The following PSMD1 variants were observed in gnomAD, a reference collection of about 807,000 sequenced individuals.
The protein encoded by PSMD1 is 26S proteasome non-ATPase regulatory subunit 1.
PSMD1 carries 18 observed loss-of-function variants against 119.0 expected under a neutral mutation model. That is an observed-to-expected ratio of 0.15 (90% CI 0.10 to 0.22). PSMD1 has a LOEUF of 0.22. Among genes scored for constraint, PSMD1 ranks in the 10% least tolerant of loss-of-function variants. PSMD1 has a pLI of 1.00. For missense variants in PSMD1, 702 were observed against 1,158.5 expected, an observed-to-expected ratio of 0.61 and a Z score of 5.72; for synonymous variants, 374 against 396.6, an observed-to-expected ratio of 0.94 and a Z score of 0.68.
intron 19 of PSMD1, among the ~76,000 whole-genome samples, chr2:231,155,850 TA>T (rs1184323909): frequency 2.6e-5 from 4 of 152,136 alleles, no homozygotes; most frequent in East Asian, 1.9e-4. Flanking sequence ...TGTTTATAGA[TA>T]AAAAAATTCT....
Position 231,165,272 on chromosome 2 carries a change from G to T in PSMD1, c.2554G>T (p.Glu852Ter). ...AAAAGAAAAGGAAAAAAAGGAGGAG[G>T]AGAAAATGGAAGTGGTAGGTATAAA... The part of the protein sequence containing the change: ...KEKEKEKKEE[E>*]KMEVDEAEKK... Residue 852 changes from glutamate to a stop codon, truncating the protein, a stop_gained, in exon 22 of 25, where the codon GAG becomes TAG. Transcript: ENST00000308696. LOFTEE classifies it high-confidence loss of function. 6.3e-7 allele frequency: 1 copy of T among 1,599,554 alleles called. No individual in the cohort carries two copies. The highest frequency in any genetic ancestry group is 1.1e-5 in the South Asian group (1 of 89,990).
intron 16 of PSMD1, among the ~76,000 whole-genome samples, chr2:231,093,356 C>T (rs1694646019): frequency 6.6e-6 from 1 of 152,196 alleles, no homozygotes; most frequent in Non-Finnish European, 1.5e-5. Context: ...AGGATTCGCT[C>T]AGCCTCCTGA....
At chr2:231,111,096 A>G (rs1263945382) in intron 16 of PSMD1, among the ~76,000 whole-genome samples, 1 of 152,166 alleles carries the variant, frequency 6.6e-6, no homozygotes, top group African/African-American at 2.4e-5. Flanking sequence ...AGTACCTGCT[A>G]TAGTCTTCTC....
At chr2:231,162,320 A>G (rs1384098881) in intron 20 of PSMD1, among the ~76,000 whole-genome samples, 1 of 152,236 alleles carries the variant, frequency 6.6e-6, no homozygotes, top group East Asian at 1.9e-4. Context: ...CAGAGTGGAA[A>G]AGTTTTAGGC....
At chr2:231,145,615 C>T (rs1302272322) in intron 17 of PSMD1, among the ~76,000 whole-genome samples, 3 of 151,776 alleles carry the variant, frequency 2.0e-5, no homozygotes, top group Non-Finnish European at 2.9e-5. Context: ...CAAACCTGGG[C>T]GGACACAGTG....
At chr2:231,127,024 TACACGCACAC>T (rs1326430905) in intron 16 of PSMD1, among the ~76,000 whole-genome samples, 2 of 151,968 alleles carry the variant, frequency 1.3e-5, no homozygotes, top group Non-Finnish European at 2.9e-5. Flanking sequence ...TTTACACACA[TACACGCACAC>T]ACACGCACAG....
chr2:231,062,613 C>T lies in PSMD1; in HGVS notation c.242C>T (p.Ala81Val). 5 of 1,613,640 alleles carry T rather than the reference C, an allele frequency of 3.1e-6. No homozygotes were observed. The highest frequency in any genetic ancestry group is 4.2e-6 in the Non-Finnish European group (5 of 1,179,832). ...LGAFEESLNY[A>V]LGAGDLFNVN... ...GCTTTTGAGGAGTCTCTGAATTATG[C>T]TCTTGGAGCAGGGGACCTCTTCAAT... Residue 81 changes from alanine to valine, a missense_variant, in exon 4 of 25, where the codon GCT (alanine) becomes GTT (valine). Physicochemically the swap from Ala to Val is moderately conservative, Grantham distance 64. Coordinates refer to ENST00000308696, the MANE Select transcript of PSMD1 (RefSeq NM_002807.4).
intron 16 of PSMD1, among the ~76,000 whole-genome samples, chr2:231,103,646 CCAAAATTTGGTTT>C (rs1406257420): frequency 6.6e-6 from 1 of 152,116 alleles, no homozygotes; most frequent in Admixed American, 6.6e-5. Context: ...TGTTTTTCTT[CCAAAATTTGGTTT>C]CATAATTACA....
At chr2:231,073,736 T>C (rs1694094825) in intron 7 of PSMD1, among the ~76,000 whole-genome samples, 3 of 152,112 alleles carry the variant, frequency 2.0e-5, no homozygotes, top group South Asian at 4.1e-4. Context: ...CTTATATCCC[T>C]AAGTATAATT....
chr2:231,129,210 A>G (rs990937650), intron 16 of PSMD1, among the ~76,000 whole-genome samples: 1 of 152,228 alleles, frequency 6.6e-6, no homozygotes, highest in Admixed American at 6.5e-5. Context: ...TCAAAGAAAT[A>G]TCAATACAGT....
chr2:231,141,391 C>A (rs947394018), intron 17 of PSMD1, among the ~76,000 whole-genome samples: 1 of 148,540 alleles, frequency 6.7e-6, no homozygotes, highest in African/African-American at 2.5e-5. Flanking sequence ...TCCAGTATTT[C>A]ATCCTATTCT....
chr2:231,073,351 T>C (rs1694084252), intron 7 of PSMD1, among the ~76,000 whole-genome samples: 2 of 152,182 alleles, frequency 1.3e-5, no homozygotes, highest in Non-Finnish European at 2.9e-5. Flanking sequence ...GTGGCTCCAA[T>C]AGACTTCCTT....
chr2:231,162,512 A>C (rs1696664187), intron 20 of PSMD1, among the ~76,000 whole-genome samples: 1 of 152,226 alleles, frequency 6.6e-6, no homozygotes, highest in South Asian at 2.1e-4. Flanking sequence ...TAACATTGTA[A>C]TTAAACATCC....
Position 231,083,634 on chromosome 2 carries a change from C to T in PSMD1, c.1593C>T (p.Asp531=). ...CTAAAAATGCTCAGGCTATTGAGGA[C>T]ATGGTTGGTTATGCACAAGAAACTC... The part of the protein sequence containing the change: ...LGSKNAQAIE[D]MVGYAQETQH... The change falls in exon 14 of 25, where the codon GAC becomes GAT. Residue 531 remains aspartate, a synonymous_variant. Coordinates refer to ENST00000308696, the MANE Select transcript of PSMD1 (RefSeq NM_002807.4). 1 of 1,614,190 alleles carries T rather than the reference C, an allele frequency of 6.2e-7. No homozygotes were observed. The highest frequency in any genetic ancestry group is 8.5e-7 in the Non-Finnish European group (1 of 1,180,038).
chr2:231,065,325 C>G (rs1322625399), intron 4 of PSMD1, among the ~76,000 whole-genome samples: 2 of 151,368 alleles, frequency 1.3e-5, no homozygotes, highest in Non-Finnish European at 2.9e-5. Flanking sequence ...GACAGTCTCG[C>G]TCTGTCTCCC....
At chr2:231,079,283 A>G (rs1165867412) in intron 10 of PSMD1, among the ~76,000 whole-genome samples, 2 of 152,168 alleles carry the variant, frequency 1.3e-5, no homozygotes, top group Admixed American at 1.3e-4. Context: ...TCTTGAAGGA[A>G]ATATATTAAG....
intron 19 of PSMD1, among the ~76,000 whole-genome samples, chr2:231,157,591 G>A (rs1342102388): frequency 6.7e-6 from 1 of 149,920 alleles, no homozygotes; most frequent in Non-Finnish European, 1.5e-5. Flanking sequence ...TTTTTTGGGG[G>A]GGGCCAATTC....
At chr2:231,102,953 T>C (rs1276159781) in intron 16 of PSMD1, among the ~76,000 whole-genome samples, 1 of 152,246 alleles carries the variant, frequency 6.6e-6, no homozygotes, top group South Asian at 2.1e-4. Context: ...CTAAAGTGCA[T>C]GTTAGATGAG....
At chr2:231,157,176 T>C (rs1277416570) in intron 19 of PSMD1, among the ~76,000 whole-genome samples, 1 of 152,160 alleles carries the variant, frequency 6.6e-6, no homozygotes, top group Non-Finnish European at 1.5e-5. Flanking sequence ...TGGTTTTTAC[T>C]ATATTTGGGT....
Sources: allele counts gnomAD v4.1 joint callset (sites outside exome capture counted in the v4.1 genomes callset), GRCh38; gene constraint gnomAD v4.1.1; transcripts MANE v1.5; gene names NCBI Gene and HGNC (gene_info 2026-07-23, HGNC 2026-07-21).